The following STK32B variants were observed in gnomAD, a reference collection of about 807,000 sequenced individuals.
STK32B encodes the protein serine/threonine kinase 32B.
Under a neutral mutation model 52.6 loss-of-function variants are expected in STK32B, and 43 were observed. The ratio of observed to expected loss-of-function variants is 0.82; its 90% CI spans 0.64 to 1.05. STK32B has a LOEUF of 1.05. STK32B is among the 50% of genes least tolerant of loss of function. STK32B has a pLI of 0.00. For missense variants in STK32B, 621 were observed against 534.6 expected (o/e 1.16, Z -1.59); for synonymous variants, 238 against 204.3 (o/e 1.17, Z -1.41).
At chr4:5,181,164 T>G (rs969736256) in intron 3 of STK32B, among the ~76,000 whole-genome samples, 1 of 152,186 alleles carries the variant, frequency 6.6e-6, no homozygotes, top group African/African-American at 2.4e-5. Flanking sequence ...GACCAAATTG[T>G]GTCCCCCTGC....
intron 1 of STK32B, among the ~76,000 whole-genome samples, chr4:5,106,832 G>A (rs1023388768): frequency 1.3e-5 from 2 of 152,122 alleles, no homozygotes; most frequent in African/African-American, 4.8e-5. Context: ...TCCTTGTGGT[G>A]TCTTTTGATT....
chr4:5,466,918 A>T, intron 10 of STK32B, 84 bp downstream of exon 10: 3 of 1,495,292 alleles, frequency 2.0e-6, no homozygotes, highest in Non-Finnish European at 2.7e-6. Flanking sequence ...TTTAGCAAAA[A>T]GGGGACATTT....
chr4:5,243,240 C>T (rs1293643813), intron 3 of STK32B, among the ~76,000 whole-genome samples: 1 of 152,114 alleles, frequency 6.6e-6, no homozygotes, highest in East Asian at 1.9e-4. Context: ...TGTTTGTATC[C>T]TCTTTCATTT....
chr4:5,387,143 G>A lies in STK32B; in HGVS notation c.435-11064G>A, dbSNP rs140645798. Among the ~76,000 whole-genome samples, 17 of 152,342 alleles carry A rather than the reference G, an allele frequency of 1.1e-4. No homozygotes were observed. In the East Asian group the frequency reaches 1.7e-3, roughly 16 times the overall value. ...CTATGATTAACTGTCAGCAGGAAGC[G>A]CTCGAGGATCCCAGCCTGGACCAGG... On this transcript the variant is annotated intron_variant, in intron 4 of 11. Coordinates refer to ENST00000282908, the MANE Select transcript of STK32B (RefSeq NM_018401.3).
At chr4:5,316,800 AT>A (rs1730873753) in intron 3 of STK32B, among the ~76,000 whole-genome samples, 3 of 15,128 alleles carry the variant, frequency 2.0e-4, no homozygotes, top group African/African-American at 5.5e-4. Flanking sequence ...TATATTATAT[AT>A]TATATATATT....
intron 6 of STK32B, among the ~76,000 whole-genome samples, chr4:5,430,653 T>G (rs1713499390): frequency 6.6e-6 from 1 of 152,238 alleles, no homozygotes; most frequent in African/African-American, 2.4e-5. Context: ...AGGAAAATGT[T>G]TATGCCTGGA....
intron 3 of STK32B, among the ~76,000 whole-genome samples, chr4:5,310,494 C>T (rs753019879): frequency 6.6e-6 from 1 of 152,094 alleles, no homozygotes; most frequent in Non-Finnish European, 1.5e-5. Flanking sequence ...GAGAGATCAT[C>T]TCACCCCATT....
intron 11 of STK32B, among the ~76,000 whole-genome samples, chr4:5,488,289 C>A (rs1041328073): frequency 6.6e-6 from 1 of 152,114 alleles, no homozygotes; most frequent in Admixed American, 6.5e-5. Flanking sequence ...CAGAGTGAGA[C>A]TCCGTCTGAA....
intron 3 of STK32B, among the ~76,000 whole-genome samples, chr4:5,273,166 C>CA (rs1381098213): frequency 6.9e-6 from 1 of 144,860 alleles, no homozygotes; most frequent in Non-Finnish European, 1.5e-5. Context: ...ACAACCCCAT[C>CA]AAAAAGTGGG....
intron 4 of STK32B, among the ~76,000 whole-genome samples, chr4:5,372,240 T>C (rs1045511201): frequency 1.7e-4 from 26 of 151,884 alleles, no homozygotes; most frequent in African/African-American, 6.3e-4. Flanking sequence ...AAACAGAGAG[T>C]CAGGTGCAGA....
the STK32B span, among the ~76,000 whole-genome samples, chr4:5,045,912 T>C: frequency 1.6e-4 from 24 of 152,350 alleles, no homozygotes; most frequent in East Asian, 4.2e-3. Flanking sequence ...TTCTCTTGCC[T>C]GATTGCCCTG....
chr4:5,209,424 A>G (rs531455665), intron 3 of STK32B, among the ~76,000 whole-genome samples: 27 of 152,106 alleles, frequency 1.8e-4, no homozygotes, highest in Non-Finnish European at 3.1e-4. Flanking sequence ...GGGTGTTGCT[A>G]TGTTGCCCAA....
chr4:5,331,036 G>A (rs767883156), intron 3 of STK32B, among the ~76,000 whole-genome samples, 184 bp from the exon 4 acceptor site: 7 of 152,076 alleles, frequency 4.6e-5, no homozygotes, highest in Admixed American at 1.3e-4. Flanking sequence ...CCCAACAAAT[G>A]TGGAGGCAGC....
rs140302969 is a variant in STK32B at position 5,296,676 on chromosome 4, C to G, written c.261-34544C>G. On this transcript the variant is annotated intron_variant, in intron 3 of 11. Coordinates refer to ENST00000282908, the MANE Select transcript of STK32B (RefSeq NM_018401.3). ...ATGTGTCTTTGCACGTGAGATGGGT[C>G]TCCTGAATCCAGCACACTGATGGAT... is the stretch of plus-strand genomic sequence containing the variant. 8.8e-3 allele frequency among the ~76,000 whole-genome samples: 1,334 copies of G among 152,210 alleles called. 10 individuals are homozygous for G. The highest frequency in any genetic ancestry group is 0.014 in the Non-Finnish European group (981 of 68,010).
intron 1 of STK32B, among the ~76,000 whole-genome samples, chr4:5,080,589 T>A (rs758459122): frequency 6.6e-6 from 1 of 152,228 alleles, no homozygotes; most frequent in Non-Finnish European, 1.5e-5. Flanking sequence ...TTATCTTAAT[T>A]GTCATTTACA....
intron 4 of STK32B, among the ~76,000 whole-genome samples, chr4:5,336,676 G>A (rs967199522): frequency 1.6e-4 from 25 of 152,142 alleles, no homozygotes; most frequent in African/African-American, 5.1e-4. Flanking sequence ...TTTCTGTAAA[G>A]TAGAGTAAAA....
rs545930275 is a variant in STK32B, at chr4:5,496,858, G to T, written c.1107-2087G>T. ...AAAGTGATTTTATTTCATTTCTGCT[G>T]GTTTGCAAGTGTTCTTCATAGATAT... On this transcript the variant is annotated intron_variant, in intron 11 of 11. Transcript: ENST00000282908. Among the ~76,000 whole-genome samples, 149 of 151,958 alleles carry T rather than the reference G, an allele frequency of 9.8e-4. 1 individual carries two copies. Among genetic ancestry groups the T allele is most frequent in the Non-Finnish European group, 1.5e-3 (104 of 67,990 alleles).
chr4:5,060,045 C>T (rs1286714142), intron 1 of STK32B, among the ~76,000 whole-genome samples: 3 of 152,202 alleles, frequency 2.0e-5, no homozygotes, highest in Non-Finnish European at 4.4e-5. Context: ...TGGCTCACCA[C>T]AACCTCCACC....
At chr4:5,496,408 C>T (rs1051450348) in intron 11 of STK32B, among the ~76,000 whole-genome samples, 1 of 152,176 alleles carries the variant, frequency 6.6e-6, no homozygotes, top group East Asian at 1.9e-4. Context: ...CCTGGTGCAC[C>T]GTTTTTTAAG....
Sources: gnomAD v4.1 joint callset for allele counts (sites outside exome capture counted in the v4.1 genomes callset) on GRCh38, gnomAD v4.1.1 for gene constraint, MANE v1.5 for transcripts, NCBI Gene and HGNC (gene_info 2026-07-23, HGNC 2026-07-21) for gene names.